The following PSMD1 variants were observed in gnomAD, a reference collection of about 807,000 sequenced individuals.
The protein encoded by PSMD1 is proteasome 26S subunit, non-ATPase 1, also known as 26S proteasome non-ATPase regulatory subunit 1.
A neutral mutation model predicts 119.0 loss-of-function variants in PSMD1; 18 were observed. The ratio of observed to expected loss-of-function variants is 0.15; its 90% confidence interval spans 0.10 to 0.22. The LOEUF is 0.22. Ranked by LOEUF, PSMD1 falls within the 10% of genes least tolerant of loss-of-function variation. The pLI is 1.00. For synonymous variants in PSMD1, 374 were observed against 396.6 expected, an observed-to-expected ratio of 0.94 and a Z score of 0.68; for missense variants, 702 against 1,158.5, an observed-to-expected ratio of 0.61 and a Z score of 5.72.
At chr2:231,080,998 G>A (rs1372290502) in intron 12 of PSMD1, among the ~76,000 whole-genome samples, 1 of 152,050 alleles carries the variant, frequency 6.6e-6, no homozygotes, top group Non-Finnish European at 1.5e-5. Context: ...CAAAAAATTA[G>A]CCGGGCATGG....
chr2:231,111,302 A>G (rs1695149015), intron 16 of PSMD1, among the ~76,000 whole-genome samples: 1 of 152,168 alleles, frequency 6.6e-6, no homozygotes, highest in Non-Finnish European at 1.5e-5. Context: ...CCTCACTCCT[A>G]GAGAACTTCT....
chr2:231,081,866 TCTCA>T (rs1277024703), intron 12 of PSMD1, among the ~76,000 whole-genome samples: 1 of 152,204 alleles, frequency 6.6e-6, no homozygotes, highest in Non-Finnish European at 1.5e-5. Context: ...GTCTTTAGCC[TCTCA>T]CTCTGTACTG....
Position 231,083,555 on chromosome 2 carries a change from G to A in PSMD1, c.1526-12G>A, listed in dbSNP as rs535050676. 66 of 1,613,818 alleles carry A rather than the reference G, an allele frequency of 4.1e-5. No homozygotes were observed. In the South Asian group the frequency reaches 5.4e-4, roughly 13 times the overall value. ...ATAACTCTCTGTTAACATTTTACTC[G>A]TTACTTGCCAGGGGAAGCAGCTGGC... On this transcript the variant is annotated splice_polypyrimidine_tract_variant and intron_variant, in intron 13 of 24. Coordinates refer to ENST00000308696, the MANE Select transcript of PSMD1 (RefSeq NM_002807.4).
At chr2:231,057,083 C>T in intron 1 of PSMD1, 42 bp downstream of exon 1, 1 of 1,483,882 alleles carries the variant, frequency 6.7e-7, no homozygotes, top group Non-Finnish European at 8.9e-7. Context: ...GAGGAGCCGC[C>T]GCCGCGCCGG....
chr2:231,079,759 A>G, intron 11 of PSMD1, 145 bp downstream of exon 11: 1 of 550,026 alleles, frequency 1.8e-6, no homozygotes, highest in East Asian at 3.0e-5. Flanking sequence ...GCTAAAGTAA[A>G]TAAGATACTG....
At chr2:231,081,144 TAAAAAAAAAAAAA>T (rs368987456) in intron 12 of PSMD1, among the ~76,000 whole-genome samples, 3 of 74,040 alleles carry the variant, frequency 4.1e-5, no homozygotes, top group African/African-American at 1.0e-4. Context: ...AAACTCTGTC[TAAAAAAAAAAAAA>T]AAAAAAAAAG....
intron 16 of PSMD1, among the ~76,000 whole-genome samples, chr2:231,126,757 T>C (rs1203306586): frequency 6.6e-6 from 1 of 152,170 alleles, no homozygotes; most frequent in Non-Finnish European, 1.5e-5. Context: ...AGATTGGTAC[T>C]CTGATTTTTT....
chr2:231,102,281 A>G (rs1323182050), intron 16 of PSMD1, among the ~76,000 whole-genome samples: 1 of 152,200 alleles, frequency 6.6e-6, no homozygotes, highest in Non-Finnish European at 1.5e-5. Flanking sequence ...GTAGTAGTCT[A>G]GAACCAAACC....
At chr2:231,126,259 A>C (rs748531892) in intron 16 of PSMD1, among the ~76,000 whole-genome samples, 2 of 152,160 alleles carry the variant, frequency 1.3e-5, no homozygotes, top group Non-Finnish European at 2.9e-5. Flanking sequence ...TAAATTAGCC[A>C]AGGGTGGTGG....
chr2:231,158,494 T>C (rs1195525703), intron 19 of PSMD1, among the ~76,000 whole-genome samples: 1 of 152,216 alleles, frequency 6.6e-6, no homozygotes, highest in Non-Finnish European at 1.5e-5. Flanking sequence ...TGATAAACTC[T>C]ACCTTATTTA....
Position 231,151,903 on chromosome 2 carries a change from C to G in PSMD1, c.2116-1661C>G, listed in dbSNP as rs1696385038. ...TCTCGGTTCACTGCAACCTTTGCCT[C>G]CTGGATTCAAGCGATTCTCCTGCCT... is the stretch of plus-strand genomic sequence containing the variant. On this transcript the variant is annotated intron_variant, in intron 18 of 24. Coordinates refer to ENST00000308696, the MANE Select transcript of PSMD1 (RefSeq NM_002807.4). Among the ~76,000 whole-genome samples the G allele has an allele frequency of 2.0e-5, 3 of 149,388 alleles. No homozygotes were observed. In the Admixed American group the frequency reaches 2.0e-4, roughly 10 times the overall value.
intron 18 of PSMD1, among the ~76,000 whole-genome samples, chr2:231,152,154 G>T (rs1342501082): frequency 4.6e-5 from 7 of 152,068 alleles, no homozygotes; most frequent in Non-Finnish European, 8.8e-5. Context: ...ATTTAGTGAT[G>T]ATTTAATCAT....
intron 9 of PSMD1, 134 bp from the exon 10 acceptor site, chr2:231,078,525 A>G: frequency 4.1e-6 from 2 of 489,136 alleles, no homozygotes; most frequent in South Asian, 5.1e-5. Context: ...GAAATACCCA[A>G]GATCCATATT....
Position 231,108,731 on chromosome 2 carries a change from C to T in PSMD1, c.1883+21550C>T, listed in dbSNP as rs1172983361. On this transcript the variant is annotated intron_variant, in intron 16 of 24. Transcript: ENST00000308696. Reference sequence around the variant, plus strand: ...ATTCCGGAAGTAGATCTTACTGGAGCGTTTTCTGAGAGTTTTTACTGACTT... The same window carrying T: ...ATTCCGGAAGTAGATCTTACTGGAGTGTTTTCTGAGAGTTTTTACTGACTT... 9 of 1,613,866 alleles carry T rather than the reference C, an allele frequency of 5.6e-6. No individual in the cohort carries two copies. Among genetic ancestry groups the T allele is most frequent in the Non-Finnish European group, 7.6e-6 (9 of 1,179,990 alleles).
chr2:231,129,238 AAGTT>A (rs1208697210), intron 16 of PSMD1, among the ~76,000 whole-genome samples: 1 of 152,244 alleles, frequency 6.6e-6, no homozygotes, highest in African/African-American at 2.4e-5. Flanking sequence ...GAATAGCAGT[AAGTT>A]GATGGCAGCT....
intron 16 of PSMD1, among the ~76,000 whole-genome samples, chr2:231,121,171 A>G (rs1364230000): frequency 6.6e-6 from 1 of 152,194 alleles, no homozygotes; most frequent in Non-Finnish European, 1.5e-5. Flanking sequence ...ACCCCACTAT[A>G]CAACTTATTT....
At chr2:231,149,414 C>T (rs1183469017) in intron 18 of PSMD1, among the ~76,000 whole-genome samples, 5 of 152,258 alleles carry the variant, frequency 3.3e-5, no homozygotes, top group Admixed American at 2.6e-4. Flanking sequence ...GCAGGAGACT[C>T]GCTTGAGCCT....
Position 231,163,630 on chromosome 2 carries a change from T to G in PSMD1, c.2389-5T>G. ...GCCAATGTTATTTTAATGGAATTTC[T>G]TCAGATGCCGAAAGTTCAGTATAAA... On this transcript the variant is annotated splice_polypyrimidine_tract_variant and splice_region_variant and intron_variant, in intron 20 of 24. Coordinates refer to ENST00000308696, the MANE Select transcript of PSMD1 (RefSeq NM_002807.4). The G allele has an allele frequency of 2.5e-6, 4 of 1,604,504 alleles. No individual in the cohort carries two copies. The highest frequency in any genetic ancestry group is 3.4e-6 in the Non-Finnish European group (4 of 1,171,830).
In PSMD1 at chr2:231,165,955, A is replaced by G. The variant is rs1696770706; in HGVS notation, c.2653A>G (p.Met885Val). Residue 885 changes from methionine (M) to valine (V), a missense_variant, in exon 23 of 25, where the codon ATG becomes GTG. Transcript: ENST00000308696. Reference sequence around the variant, plus strand: ...GTTATTGGATAACCCAGCCCGAGTTATGCCTGCCCAGCTTAAGGTCCTAAC... The same window carrying G: ...GTTATTGGATAACCCAGCCCGAGTTGTGCCTGCCCAGCTTAAGGTCCTAAC... The part of the protein sequence containing the change: ...FQLLDNPARV[M>V]PAQLKVLTMP... 2.5e-6 allele frequency: 4 copies of G among 1,614,098 alleles called. No individual in the cohort carries two copies. Among genetic ancestry groups the G allele is most frequent in the Non-Finnish European group, 3.4e-6 (4 of 1,179,958 alleles).
Sources: gnomAD v4.1 joint callset for allele counts (sites outside exome capture counted in the v4.1 genomes callset) on GRCh38, gnomAD v4.1.1 for gene constraint, MANE v1.5 for transcripts, NCBI Gene and HGNC (gene_info 2026-07-23, HGNC 2026-07-21) for gene names.